The following OSBPL9 variants were observed in gnomAD, a reference collection of about 807,000 sequenced individuals.
OSBPL9 encodes the protein oxysterol binding protein like 9.
Under a neutral mutation model 106.6 loss-of-function variants are expected in OSBPL9, and 40 were observed. The observed-to-expected ratio is 0.38, with a 90% CI of 0.29 to 0.49. The LOEUF is 0.49. Ranked by LOEUF, OSBPL9 falls within the 20% of genes least tolerant of loss-of-function variation. OSBPL9 has a pLI of 0.97. For synonymous variants in OSBPL9, 269 were observed against 295.4 expected, an observed-to-expected ratio of 0.91 and a Z score of 0.92; for missense variants, 609 against 887.2, an observed-to-expected ratio of 0.69 and a Z score of 3.98.
the OSBPL9 span, among the ~76,000 whole-genome samples, chr1:51,571,227 G>A: frequency 6.6e-6 from 1 of 152,172 alleles, no homozygotes; most frequent in Non-Finnish European, 1.5e-5. Context: ...ACCTGACATA[G>A]AAGAAAGACT....
the OSBPL9 span, among the ~76,000 whole-genome samples, chr1:51,547,954 C>G: frequency 6.6e-6 from 1 of 151,516 alleles, no homozygotes; most frequent in African/African-American, 2.4e-5. Context: ...TAATTAAATC[C>G]TCAAAACTGG....
At chr1:51,601,728 C>T (rs556286072) in intron 2 of OSBPL9, among the ~76,000 whole-genome samples, 37 of 152,316 alleles carry the variant, frequency 2.4e-4, no homozygotes, top group African/African-American at 7.9e-4. Flanking sequence ...CTTGTGAAAG[C>T]CCTTCTTACC....
Position 51,618,278 on chromosome 1 carries a change from C to G in OSBPL9, c.111+1057C>G, listed in dbSNP as rs547120763. ...AGGTGATCCACCCGCCTCGGCCTCC[C>G]AAAGTACTGGGATTACAGACGTGAG... is the stretch of plus-strand genomic sequence containing the variant. On this transcript the variant is annotated intron_variant, in intron 1 of 23. Transcript: ENST00000428468. Among the ~76,000 whole-genome samples, 24 of 152,254 alleles carry G rather than the reference C, an allele frequency of 1.6e-4. No homozygotes were observed. In the East Asian group the frequency reaches 4.2e-3, roughly 27 times the overall value.
chr1:51,526,092 G>C, the OSBPL9 span, among the ~76,000 whole-genome samples: 4 of 152,178 alleles, frequency 2.6e-5, no homozygotes, highest in Non-Finnish European at 5.9e-5. Context: ...GCCCAGGTTG[G>C]TCTTAAACTC....
At chr1:51,677,701 C>T (rs1352809210) in intron 3 of OSBPL9, among the ~76,000 whole-genome samples, 1 of 152,124 alleles carries the variant, frequency 6.6e-6, no homozygotes, top group East Asian at 1.9e-4. Flanking sequence ...GAGGCATCCA[C>T]CACCACTCTC....
chr1:51,731,849 A>G (rs1363586685), intron 4 of OSBPL9, among the ~76,000 whole-genome samples: 2 of 152,156 alleles, frequency 1.3e-5, no homozygotes, highest in Non-Finnish European at 2.9e-5. Flanking sequence ...GTGAGAAACA[A>G]GAAAGACAAC....
At chr1:51,553,583 C>G in the OSBPL9 span, among the ~76,000 whole-genome samples, 783 of 152,068 alleles carry the variant, frequency 5.1e-3, 4 homozygotes, top group Middle Eastern at 0.01. Context: ...CCTTCTAGAT[C>G]AATGCACTAC....
the OSBPL9 span, among the ~76,000 whole-genome samples, chr1:51,571,298 G>A: frequency 6.6e-6 from 1 of 152,146 alleles, no homozygotes; most frequent in Non-Finnish European, 1.5e-5. Context: ...CATCTCAAGA[G>A]CACTTATTGT....
At chr1:51,730,109 C>T in intron 4 of OSBPL9, 2 of 1,251,028 alleles carry the variant, frequency 1.6e-6, no homozygotes, top group South Asian at 8.1e-5. Flanking sequence ...CTGCCTCCTT[C>T]CCGCCGCCCC....
intron 3 of OSBPL9, among the ~76,000 whole-genome samples, chr1:51,677,841 G>C (rs978304639): frequency 2.6e-5 from 4 of 152,168 alleles, no homozygotes; most frequent in African/African-American, 9.6e-5. Flanking sequence ...GAGCCACTGT[G>C]CCTGGCTACA....
chr1:51,726,894 A>G (rs75871217), intron 4 of OSBPL9, among the ~76,000 whole-genome samples: 1,936 of 152,196 alleles, frequency 0.013, 37 homozygotes, highest in African/African-American at 0.042. Context: ...TGTGTTGTGT[A>G]ATTACTTTTT....
At chr1:51,749,774 G>T (rs1442720983) in intron 7 of OSBPL9, among the ~76,000 whole-genome samples, 4 of 151,756 alleles carry the variant, frequency 2.6e-5, no homozygotes, top group Non-Finnish European at 5.9e-5. Flanking sequence ...GGCTGAGACG[G>T]GGATCGCTTG....
At chr1:51,697,457 T>C (rs903135135) in intron 3 of OSBPL9, among the ~76,000 whole-genome samples, 2 of 148,726 alleles carry the variant, frequency 1.3e-5, no homozygotes, top group Non-Finnish European at 3.0e-5. Flanking sequence ...GGGTTACTTT[T>C]TTTTTTTTTT....
At chr1:51,624,421 G>A (rs1570609922) in intron 1 of OSBPL9, among the ~76,000 whole-genome samples, 1 of 151,678 alleles carries the variant, frequency 6.6e-6, no homozygotes, top group African/African-American at 2.4e-5. Flanking sequence ...AACCCCGTCT[G>A]TACTAAAAAT....
chr1:51,706,275 GT>G lies in OSBPL9; in HGVS notation c.242-7726del, dbSNP rs540399845. Among the ~76,000 whole-genome samples the G allele has an allele frequency of 1.8e-4, 28 of 152,314 alleles. 1 individual carries two copies. The East Asian group carries it at 5.4e-3, about 29-fold the overall frequency. ...TACTTTCCTGTGGCCCAACCTAATA[GT>G]TATAGCACTATCTAGGTTTTTAAAG... is the stretch of plus-strand genomic sequence containing the variant. On this transcript the variant is annotated intron_variant, in intron 3 of 23. Coordinates refer to ENST00000428468, the MANE Select transcript of OSBPL9 (RefSeq NM_024586.6).
chr1:51,609,557 T>C (rs912434965), intron 2 of OSBPL9, among the ~76,000 whole-genome samples: 2 of 149,802 alleles, frequency 1.3e-5, no homozygotes, highest in Non-Finnish European at 3.0e-5. Context: ...TTGCCCAGGC[T>C]GGTCTCAAAC....
At chr1:51,786,172 G>GTT (rs1677575412) in intron 21 of OSBPL9, 2 of 462,144 alleles carry the variant, frequency 4.3e-6, no homozygotes, top group Admixed American at 8.1e-5. Context: ...CTGGCACATA[G>GTT]TAAGAACCCA....
At chr1:51,704,733 AG>A (rs1658063563) in intron 3 of OSBPL9, among the ~76,000 whole-genome samples, 1 of 152,194 alleles carries the variant, frequency 6.6e-6, no homozygotes, top group South Asian at 2.1e-4. Flanking sequence ...CACATTAAAG[AG>A]GGTTCTACCT....
chr1:51,631,493 A>G (rs184078670), intron 1 of OSBPL9, among the ~76,000 whole-genome samples: 2 of 152,054 alleles, frequency 1.3e-5, no homozygotes, highest in Non-Finnish European at 2.9e-5. Context: ...GTGAGCTATG[A>G]TCATGCCACT....
Sources: gnomAD v4.1 joint callset for allele counts (sites outside exome capture counted in the v4.1 genomes callset) on GRCh38, gnomAD v4.1.1 for gene constraint, MANE v1.5 for transcripts, NCBI Gene and HGNC (gene_info 2026-07-23, HGNC 2026-07-21) for gene names.